Variants in ADK observed in about 807,000 individuals in gnomAD.
ADK encodes N6,N6-dimethyladenosine kinase.
ADK carries 24 observed loss-of-function variants against 44.7 expected under a neutral mutation model. The observed-to-expected ratio is 0.54, with a 90% CI of 0.39 to 0.76. The LOEUF is 0.76. ADK is among the 30% of genes least tolerant of loss of function. ADK has a pLI of 0.00. For missense variants in ADK, 321 were observed against 425.1 expected, an observed-to-expected ratio of 0.76 and a Z score of 2.15; for synonymous variants, 128 against 142.6, an observed-to-expected ratio of 0.90 and a Z score of 0.73.
chr10:74,577,733 C>G (rs1051782929), intron 7 of ADK, among the ~76,000 whole-genome samples: 9 of 151,910 alleles, frequency 5.9e-5, no homozygotes, highest in Non-Finnish European at 1.0e-4. Flanking sequence ...TAGTTCTATT[C>G]CCTCTTCTCC....
At chr10:74,158,516 T>G (rs960651251) in intron 1 of ADK, among the ~76,000 whole-genome samples, 1 of 152,264 alleles carries the variant, frequency 6.6e-6, no homozygotes, top group African/African-American at 2.4e-5. Context: ...TTTATTTGTC[T>G]GACACAAATG....
chr10:74,663,055 A>G (rs1242173370), intron 9 of ADK, among the ~76,000 whole-genome samples: 1 of 151,834 alleles, frequency 6.6e-6, no homozygotes, highest in African/African-American at 2.4e-5. Flanking sequence ...GGCCGACATG[A>G]TGAAACCCTA....
chr10:74,565,466 G>A (rs893798098), intron 7 of ADK, among the ~76,000 whole-genome samples: 5 of 152,252 alleles, frequency 3.3e-5, no homozygotes, highest in African/African-American at 1.2e-4. Flanking sequence ...GGTGGCTGAC[G>A]CCTGTAATCC....
intron 6 of ADK, among the ~76,000 whole-genome samples, chr10:74,460,520 T>G (rs1268124414): frequency 6.6e-6 from 1 of 152,220 alleles, no homozygotes; most frequent in Non-Finnish European, 1.5e-5. Flanking sequence ...TTCATTAATT[T>G]TTTACAATTC....
At chr10:74,433,899 G>A (rs1396969560) in intron 6 of ADK, among the ~76,000 whole-genome samples, 1 of 152,146 alleles carries the variant, frequency 6.6e-6, no homozygotes, top group Non-Finnish European at 1.5e-5. Flanking sequence ...TAAATTGGAG[G>A]TGAGGAAGAT....
At position 74,329,106 on chromosome 10, in the gene ADK, C is replaced by CAA. The variant is rs138730631; in HGVS notation, c.273+14384_273+14385dup. Among the ~76,000 whole-genome samples the CAA allele has an allele frequency of 7.9e-3, 651 of 82,086 alleles. 5 individuals are homozygous for CAA. Among genetic ancestry groups the CAA allele is most frequent in the Middle Eastern group, 0.031 (4 of 128 alleles). The allele number at this position is 82,086 out of a possible 152,430, so 53.9% of individuals were successfully genotyped here. On this transcript the variant is annotated intron_variant, in intron 4 of 10. Coordinates refer to ENST00000539909, the MANE Select transcript of ADK (RefSeq NM_006721.4). Reference sequence around the variant, plus strand: ...AATAAAATCTAATCTTCTGTGCAGGCAAAAAAAAAAAAAAAAAAAAAAAAG... The same window carrying CAA: ...AATAAAATCTAATCTTCTGTGCAGGCAAAAAAAAAAAAAAAAAAAAAAAAAAG...
intron 6 of ADK, among the ~76,000 whole-genome samples, chr10:74,428,313 A>G (rs1234269705): frequency 6.6e-6 from 1 of 152,208 alleles, no homozygotes; most frequent in African/African-American, 2.4e-5. Context: ...GACTGGCTTC[A>G]GTCTGGGGCA....
At chr10:74,448,817 C>CAATAAAT (rs1489057685) in intron 6 of ADK, among the ~76,000 whole-genome samples, 2 of 151,908 alleles carry the variant, frequency 1.3e-5, no homozygotes, top group African/African-American at 4.8e-5. Context: ...TACACACATA[C>CAATAAAT]AATAATATAT....
intron 2 of ADK, among the ~76,000 whole-genome samples, chr10:74,203,951 CT>C (rs760810639): frequency 0.024 from 2,330 of 95,800 alleles, 34 homozygotes; most frequent in African/African-American, 0.09. Flanking sequence ...TTATTTAGGT[CT>C]TTTTTTTTTT....
In ADK at chr10:74,636,076, G is replaced by C. The variant is rs529483578; in HGVS notation, c.878-34107G>C. ...ATTACACTCCAGCCTTGGCAACAGA[G>C]TGAGACCCTATCTCAAAAAAAAAAA... is the stretch of plus-strand genomic sequence containing the variant. On this transcript the variant is annotated intron_variant, in intron 9 of 10. Transcript: ENST00000539909. Among the ~76,000 whole-genome samples the C allele has an allele frequency of 3.9e-5, 6 of 151,940 alleles. No individual in the cohort carries two copies. In the South Asian group the frequency reaches 1.2e-3, roughly 32 times the overall value.
At chr10:74,446,059 A>G (rs776672082) in intron 6 of ADK, among the ~76,000 whole-genome samples, 19 of 152,112 alleles carry the variant, frequency 1.2e-4, no homozygotes, top group Non-Finnish European at 2.2e-4. Context: ...GCTAAAACCC[A>G]ATAAATAAAT....
intron 4 of ADK, among the ~76,000 whole-genome samples, chr10:74,351,204 C>T (rs756725238): frequency 6.6e-5 from 10 of 152,096 alleles, no homozygotes; most frequent in Non-Finnish European, 1.2e-4. Flanking sequence ...ACGAATCCAG[C>T]GACATGTCAA....
At chr10:74,671,679 C>A (rs539974470) in intron 10 of ADK, among the ~76,000 whole-genome samples, 1 of 152,152 alleles carries the variant, frequency 6.6e-6, no homozygotes, top group African/African-American at 2.4e-5. Context: ...TAAGAAAACC[C>A]TAGTGATTTC....
At chr10:74,271,412 T>G (rs962380137) in intron 3 of ADK, among the ~76,000 whole-genome samples, 5 of 151,996 alleles carry the variant, frequency 3.3e-5, no homozygotes, top group East Asian at 1.9e-4. Flanking sequence ...TGTTGTTGTT[T>G]TTTCTTATTA....
At chr10:74,704,446 A>G (rs921286659) in intron 10 of ADK, among the ~76,000 whole-genome samples, 1 of 152,244 alleles carries the variant, frequency 6.6e-6, no homozygotes, top group Admixed American at 6.5e-5. Context: ...TTATTTAAAC[A>G]ATTTTATACA....
intron 6 of ADK, among the ~76,000 whole-genome samples, chr10:74,430,820 A>G (rs752341459): frequency 6.6e-5 from 10 of 151,946 alleles, no homozygotes; most frequent in Non-Finnish European, 1.3e-4. Flanking sequence ...GGGAACAAGC[A>G]CAGAGGCCTT....
chr10:74,656,202 A>T, intron 9 of ADK: 1 of 234,546 alleles, frequency 4.3e-6, no homozygotes. Flanking sequence ...AATCTCTGCA[A>T]CCCAGGAGAG....
Position 74,460,698 on chromosome 10 carries a change from A to C in ADK, c.555+62119A>C, listed in dbSNP as rs577685427. On this transcript the variant is annotated intron_variant, in intron 6 of 10. Transcript: ENST00000539909. Reference sequence around the variant, plus strand: ...ACTGCATTTAACTGTAGTATATGTAAGATTGTCCTTAACAAATATGAGACT... The same window carrying C: ...ACTGCATTTAACTGTAGTATATGTACGATTGTCCTTAACAAATATGAGACT... Among the ~76,000 whole-genome samples, 156 of 152,322 alleles carry C rather than the reference A, an allele frequency of 1.0e-3. 1 individual carries two copies. Among genetic ancestry groups the C allele is most frequent in the African/African-American group, 3.5e-3 (146 of 41,574 alleles).
chr10:74,345,918 G>A (rs1005807726), intron 4 of ADK, among the ~76,000 whole-genome samples: 2 of 152,052 alleles, frequency 1.3e-5, no homozygotes, highest in African/African-American at 2.4e-5. Flanking sequence ...GTTTTGAGAT[G>A]CAGTCTCTCT....
Sources: allele counts gnomAD v4.1 joint callset (sites outside exome capture counted in the v4.1 genomes callset), GRCh38; gene constraint gnomAD v4.1.1; transcripts MANE v1.5; gene names NCBI Gene and HGNC (gene_info 2026-07-23, HGNC 2026-07-21).